Variants in ASTN2 observed in about 807,000 individuals in gnomAD.
The protein encoded by ASTN2 is astrotactin-2.
A neutral mutation model predicts 139.8 loss-of-function variants in ASTN2; 54 were observed. That is an observed-to-expected ratio of 0.39 (90% CI 0.31 to 0.48). ASTN2 has a LOEUF of 0.48. ASTN2 is among the 20% of genes least tolerant of loss of function. The pLI, the probability that ASTN2 is intolerant of heterozygous loss-of-function variation, is 0.95. For synonymous variants in ASTN2, 756 were observed against 719.5 expected (o/e 1.05, Z -0.81); for missense variants, 1,565 against 1,725.1 (o/e 0.91, Z 1.64).
chr9:116,914,547 T>TTTTTTATTATTATTATTATTA (rs1554760026), intron 10 of ASTN2, among the ~76,000 whole-genome samples: 53 of 146,910 alleles, frequency 3.6e-4, no homozygotes, highest in African/African-American at 1.3e-3. Flanking sequence ...TGTAAAGTGT[T>TTTTTTATTATTATTATTATTA]TTATTATTAT....
At chr9:116,505,390 C>T (rs1399161250) in intron 19 of ASTN2, among the ~76,000 whole-genome samples, 1 of 152,006 alleles carries the variant, frequency 6.6e-6, no homozygotes, top group Non-Finnish European at 1.5e-5. Context: ...CCAATCAATG[C>T]AAATGGATCT....
chr9:116,842,235 A>T (rs548911455), intron 11 of ASTN2, among the ~76,000 whole-genome samples: 4 of 152,220 alleles, frequency 2.6e-5, no homozygotes, highest in Non-Finnish European at 4.4e-5. Flanking sequence ...CATCTTGGGA[A>T]GAAGAGATAG....
At chr9:116,987,320 A>G (rs751176806) in intron 7 of ASTN2, among the ~76,000 whole-genome samples, 9 of 152,306 alleles carry the variant, frequency 5.9e-5, no homozygotes, top group South Asian at 4.1e-4. Context: ...ATAAATGGGG[A>G]CTAATTGGTG....
At chr9:116,886,113 C>T (rs138148447) in intron 10 of ASTN2, among the ~76,000 whole-genome samples, 1 of 152,200 alleles carries the variant, frequency 6.6e-6, no homozygotes, top group East Asian at 1.9e-4. Flanking sequence ...AGCAAAAAAG[C>T]CTAGTGCTGG....
intron 2 of ASTN2, among the ~76,000 whole-genome samples, chr9:117,270,531 C>G (rs189221339): frequency 1.4e-4 from 22 of 152,302 alleles, no homozygotes; most frequent in African/African-American, 4.1e-4. Flanking sequence ...TTGTCATTAA[C>G]TTTTCCCTAT....
chr9:117,032,102 C>T lies in ASTN2; in HGVS notation c.1423+7717G>A, dbSNP rs7868782. On this transcript the variant is annotated intron_variant, in intron 6 of 22. Coordinates refer to ENST00000313400, the MANE Select transcript of ASTN2 (RefSeq NM_001365068.1). ...AACAGTAACAGTAATAGGAGTTAGA[C>T]TGAAGTCATTAGAAAGGCACAAATA... Among the ~76,000 whole-genome samples the T allele has an allele frequency of 1.7e-3, 255 of 152,204 alleles. 1 individual carries two copies. The highest frequency in any genetic ancestry group is 5.9e-3 in the African/African-American group (247 of 41,544).
At chr9:116,669,184 G>A (rs803904) in intron 16 of ASTN2, among the ~76,000 whole-genome samples, 88,477 of 151,998 alleles carry the variant, frequency 0.58, 26,220 homozygotes, top group East Asian at 0.87. Flanking sequence ...CACAGCAACT[G>A]TCCCATGAAC....
At chr9:116,988,727 T>G (rs779067343) in intron 7 of ASTN2, among the ~76,000 whole-genome samples, 2 of 152,114 alleles carry the variant, frequency 1.3e-5, no homozygotes, top group Non-Finnish European at 2.9e-5. Flanking sequence ...CAACCCGGTG[T>G]CTCATCAAAA....
At chr9:116,734,144 C>T (rs1588249417) in intron 13 of ASTN2, among the ~76,000 whole-genome samples, 1 of 152,090 alleles carries the variant, frequency 6.6e-6, no homozygotes, top group Admixed American at 6.5e-5. Flanking sequence ...GAATGACTTG[C>T]TGAATCACAA....
intron 1 of ASTN2, among the ~76,000 whole-genome samples, chr9:117,342,238 G>T (rs1829083731): frequency 6.6e-6 from 1 of 152,170 alleles, no homozygotes; most frequent in East Asian, 1.9e-4. Flanking sequence ...ATGCTAAAAT[G>T]CCAGATGGTT....
In ASTN2 at chr9:116,699,925, AGGAC is replaced by A; in HGVS notation, c.2806+25842_2806+25845del. Reference sequence around the variant, plus strand: ...GCTTTAAAAGATGCACTGCCCAAATAGGACACACGATGGTGTTAGCTGAAGTTTG... The same window carrying A: ...GCTTTAAAAGATGCACTGCCCAAATAACACGATGGTGTTAGCTGAAGTTTG... On this transcript the variant is annotated intron_variant, in intron 16 of 22. Transcript: ENST00000313400. The surrounding 1 kb of genome is among the most constrained non-coding windows in gnomAD (Gnocchi z 4.2). 1 of 649,970 alleles carries A rather than the reference AGGAC, an allele frequency of 1.5e-6. No individual in the cohort carries two copies. The highest frequency in any genetic ancestry group is 2.7e-6 in the Non-Finnish European group (1 of 372,050). 40.3% of individuals were successfully genotyped at this position (649,970 alleles called of 1,614,324 possible).
chr9:116,603,091 G>A (rs1349622757), intron 19 of ASTN2, among the ~76,000 whole-genome samples: 1 of 152,214 alleles, frequency 6.6e-6, no homozygotes, highest in South Asian at 2.1e-4. Flanking sequence ...ACAGAAGATG[G>A]AGAGTTGCAT....
At chr9:116,908,178 G>A (rs982754934) in intron 10 of ASTN2, among the ~76,000 whole-genome samples, 2 of 152,146 alleles carry the variant, frequency 1.3e-5, no homozygotes, top group African/African-American at 4.8e-5. Flanking sequence ...TAACAAATTT[G>A]AGTCAACATT....
chr9:117,304,791 T>C (rs917423005), intron 1 of ASTN2, among the ~76,000 whole-genome samples: 1 of 152,180 alleles, frequency 6.6e-6, no homozygotes, highest in African/African-American at 2.4e-5. Context: ...CCCTTTTGAC[T>C]TGCAATTCCA....
At chr9:116,598,803 G>C (rs905749110) in intron 19 of ASTN2, among the ~76,000 whole-genome samples, 13 of 152,190 alleles carry the variant, frequency 8.5e-5, no homozygotes, top group Admixed American at 3.3e-4. Flanking sequence ...GTTGAACTAG[G>C]TATCTTAGAT....
chr9:117,369,469 G>T lies in ASTN2; in HGVS notation c.442+45028C>A, dbSNP rs1232379660. 6.6e-5 allele frequency among the ~76,000 whole-genome samples: 10 copies of T among 151,978 alleles called. No individual in the cohort carries two copies. The East Asian group carries it at 1.9e-3, about 29-fold the overall frequency. ...CCCATTTCATATGGTAGAAAACTGA[G>T]GCTCCTACAGGTCAAATAGCCTGCC... On this transcript the variant is annotated intron_variant, in intron 1 of 22. Coordinates refer to ENST00000313400, the MANE Select transcript of ASTN2 (RefSeq NM_001365068.1).
At chr9:116,469,845 A>G (rs1289387493) in intron 20 of ASTN2, among the ~76,000 whole-genome samples, 1 of 152,208 alleles carries the variant, frequency 6.6e-6, no homozygotes, top group Admixed American at 6.5e-5. Context: ...GATAATTGCA[A>G]TAAAGAAAGG....
chr9:117,127,286 C>G (rs79454118), intron 4 of ASTN2, among the ~76,000 whole-genome samples: 2 of 152,182 alleles, frequency 1.3e-5, no homozygotes, highest in African/African-American at 4.8e-5. Flanking sequence ...AAGGTTGCTC[C>G]GCAACACTGC....
rs919888332 is a variant in ASTN2 at position 117,071,401 on chromosome 9, C to T, written c.1276+24643G>A. ...CTCCAGCTGCGTGCTGGGAGAACCA[C>T]TGCTCCCTTCAAAGCTGTCAGACAG... On this transcript the variant is annotated intron_variant, in intron 5 of 22. Coordinates refer to ENST00000313400, the MANE Select transcript of ASTN2 (RefSeq NM_001365068.1). 1.1e-3 allele frequency among the ~76,000 whole-genome samples: 172 copies of T among 151,572 alleles called. 1 individual carries two copies. The highest frequency in any genetic ancestry group is 4.0e-3 in the African/African-American group (163 of 41,002).
Sources: gnomAD v4.1 joint callset for allele counts (sites outside exome capture counted in the v4.1 genomes callset) on GRCh38, gnomAD v4.1.1 for gene constraint, Gnocchi (gnomAD v3.1) non-coding constraint, MANE v1.5 for transcripts, NCBI Gene and HGNC (gene_info 2026-07-23, HGNC 2026-07-21) for gene names.